Variants in LRMDA observed in about 807,000 individuals in gnomAD.
LRMDA encodes leucine-rich melanocyte differentiation-associated protein.
Under a neutral mutation model 29.8 loss-of-function variants are expected in LRMDA, and 18 were observed. The observed-to-expected ratio is 0.60, with a 90% CI of 0.42 to 0.90. The LOEUF (loss-of-function observed/expected upper bound fraction) is 0.90, where lower values mean the gene tolerates loss of function less well. Ranked by LOEUF, LRMDA falls within the 40% of genes least tolerant of loss-of-function variation. The pLI is 0.00. For synonymous variants in LRMDA, 125 were observed against 109.4 expected (o/e 1.14, Z -0.89); for missense variants, 273 against 273.9 (o/e 1.00, Z 0.02).
chr10:75,719,480 A>G (rs994238297), intron 2 of LRMDA, among the ~76,000 whole-genome samples: 1 of 152,258 alleles, frequency 6.6e-6, no homozygotes, highest in East Asian at 1.9e-4. Flanking sequence ...CACTTGTTAC[A>G]TTCTGTAGTG....
At chr10:75,552,417 T>TC (rs1375257580) in intron 2 of LRMDA, 5 of 284,304 alleles carry the variant, frequency 1.8e-5, no homozygotes, top group Admixed American at 9.4e-5. Context: ...TTCTGTGTTT[T>TC]TTTTTTTTCC....
chr10:75,498,040 C>A (rs1345209256), intron 2 of LRMDA, among the ~76,000 whole-genome samples: 5 of 152,304 alleles, frequency 3.3e-5, no homozygotes, highest in African/African-American at 1.2e-4. Flanking sequence ...TATTGAAGTT[C>A]TGGTTGCTCC....
chr10:76,112,178 G>T (rs369103816), intron 5 of LRMDA, among the ~76,000 whole-genome samples: 4 of 152,156 alleles, frequency 2.6e-5, no homozygotes, highest in South Asian at 2.1e-4. Flanking sequence ...GAGGGCGGAC[G>T]GGGACCCCTG....
chr10:75,831,861 G>A (rs1227624374), intron 2 of LRMDA, among the ~76,000 whole-genome samples: 4 of 152,220 alleles, frequency 2.6e-5, no homozygotes, highest in Admixed American at 6.5e-5. Context: ...TGAAGCAATA[G>A]CCTGAGCTGT....
intron 2 of LRMDA, among the ~76,000 whole-genome samples, chr10:75,539,913 A>G (rs529800354): frequency 3.6e-4 from 55 of 152,258 alleles, no homozygotes; most frequent in Non-Finnish European, 6.9e-4. Flanking sequence ...AATTTTCTTT[A>G]TAGCATTAAT....
intron 6 of LRMDA, among the ~76,000 whole-genome samples, chr10:76,336,580 TG>T (rs1475349363): frequency 3.3e-5 from 5 of 151,856 alleles, no homozygotes; most frequent in African/African-American, 1.2e-4. Flanking sequence ...CAAGAGGGGG[TG>T]GGGAGCCAGG....
intron 5 of LRMDA, among the ~76,000 whole-genome samples, chr10:76,071,734 A>C (rs1848879492): frequency 6.6e-6 from 1 of 152,216 alleles, no homozygotes; most frequent in African/African-American, 2.4e-5. Flanking sequence ...TATGCAGTAA[A>C]ATTAAGAAAT....
intron 2 of LRMDA, among the ~76,000 whole-genome samples, chr10:75,649,075 T>A (rs1212042467): frequency 2.0e-5 from 3 of 152,198 alleles, no homozygotes; most frequent in African/African-American, 7.2e-5. Context: ...TTTGTTCATT[T>A]TGTAAAGCTG....
chr10:75,895,639 C>G (rs1172630930), intron 2 of LRMDA, among the ~76,000 whole-genome samples: 1 of 152,154 alleles, frequency 6.6e-6, no homozygotes, highest in Non-Finnish European at 1.5e-5. Context: ...GAGTAAATGT[C>G]AGGTATTACA....
At chr10:75,619,092 C>T (rs561170239) in intron 2 of LRMDA, among the ~76,000 whole-genome samples, 85 of 152,054 alleles carry the variant, frequency 5.6e-4, no homozygotes, top group African/African-American at 1.6e-3. Flanking sequence ...CCACTGCACC[C>T]GGCCGAAAAT....
chr10:76,542,890 C>A (rs1843374212), intron 6 of LRMDA, among the ~76,000 whole-genome samples: 1 of 152,154 alleles, frequency 6.6e-6, no homozygotes, highest in Non-Finnish European at 1.5e-5. Flanking sequence ...CCTGAAGGAT[C>A]TAGTTATAGG....
intron 2 of LRMDA, among the ~76,000 whole-genome samples, chr10:75,880,104 C>T (rs867188832): frequency 2.0e-5 from 3 of 152,124 alleles, no homozygotes; most frequent in Admixed American, 6.5e-5. Flanking sequence ...CCTTTGTTTG[C>T]GTGTCATCAG....
intron 5 of LRMDA, among the ~76,000 whole-genome samples, chr10:76,119,853 A>G (rs746087770): frequency 6.6e-6 from 1 of 152,196 alleles, no homozygotes; most frequent in Admixed American, 6.5e-5. Context: ...TTATATTTTA[A>G]TCATGAACCA....
At chr10:75,478,066 G>A (rs928692878) in intron 2 of LRMDA, among the ~76,000 whole-genome samples, 9 of 152,200 alleles carry the variant, frequency 5.9e-5, no homozygotes, top group African/African-American at 1.7e-4. Context: ...ATTCTGAGCC[G>A]TGCCTCATTT....
At chr10:75,611,089 G>T (rs1841025495) in intron 2 of LRMDA, among the ~76,000 whole-genome samples, 1 of 152,132 alleles carries the variant, frequency 6.6e-6, no homozygotes. Context: ...CACTCAGACA[G>T]GGGGAGCACA....
At chr10:75,840,020 T>G (rs1844511292) in intron 2 of LRMDA, among the ~76,000 whole-genome samples, 1 of 152,232 alleles carries the variant, frequency 6.6e-6, no homozygotes, top group African/African-American at 2.4e-5. Context: ...ATTCAACTTT[T>G]ATAATGACAT....
intron 2 of LRMDA, among the ~76,000 whole-genome samples, chr10:75,712,551 C>T (rs1270107853): frequency 6.6e-6 from 1 of 151,972 alleles, no homozygotes; most frequent in African/African-American, 2.4e-5. Context: ...GATGGATGGA[C>T]AAAGCAGGGA....
At chr10:75,653,126 T>C (rs529986209) in intron 2 of LRMDA, among the ~76,000 whole-genome samples, 10 of 152,338 alleles carry the variant, frequency 6.6e-5, no homozygotes, top group Admixed American at 1.3e-4. Context: ...GAGAATATTT[T>C]TGGGGAAGTG....
At chr10:75,925,994 G>C (rs1299064876) in intron 2 of LRMDA, among the ~76,000 whole-genome samples, 1 of 152,160 alleles carries the variant, frequency 6.6e-6, no homozygotes, top group Non-Finnish European at 1.5e-5. Flanking sequence ...TCTGTGCAGA[G>C]AAGGAAACTG....
Sources: allele counts gnomAD v4.1 joint callset (sites outside exome capture counted in the v4.1 genomes callset), GRCh38; gene constraint gnomAD v4.1.1; transcripts MANE v1.5; gene names NCBI Gene and HGNC (gene_info 2026-07-23, HGNC 2026-07-21).